The following FHIT variants were observed in gnomAD, a reference collection of about 807,000 sequenced individuals.
The protein encoded by FHIT is bis(5'-adenosyl)-triphosphatase.
Under a neutral mutation model 17.9 loss-of-function variants are expected in FHIT, and 19 were observed. The observed-to-expected ratio is 1.06, with a 90% CI of 0.74 to 1.56. The LOEUF (loss-of-function observed/expected upper bound fraction) is 1.56, where lower values mean the gene tolerates loss of function less well. Ranked by LOEUF, FHIT falls within the 40% of genes most tolerant of loss-of-function variation. FHIT has a pLI of 0.00. For synonymous variants in FHIT, 81 were observed against 69.7 expected, an observed-to-expected ratio of 1.16 and a Z score of -0.81; for missense variants, 248 against 189.2, an observed-to-expected ratio of 1.31 and a Z score of -1.82.
intron 5 of FHIT, among the ~76,000 whole-genome samples, chr3:60,017,359 G>C (rs1184989753): frequency 6.6e-6 from 1 of 152,098 alleles, no homozygotes; most frequent in African/African-American, 2.4e-5. Context: ...AAAGGGGGGA[G>C]AGTACCAGCT....
At chr3:60,337,600 G>A (rs757685601) in intron 5 of FHIT, among the ~76,000 whole-genome samples, 3 of 152,084 alleles carry the variant, frequency 2.0e-5, no homozygotes, top group African/African-American at 4.8e-5. Context: ...AAATACCACA[G>A]ACCACTCATA....
intron 5 of FHIT, among the ~76,000 whole-genome samples, chr3:60,168,957 C>T (rs923131225): frequency 1.3e-5 from 2 of 152,186 alleles, no homozygotes; most frequent in Non-Finnish European, 2.9e-5. Context: ...GGGATGTGTG[C>T]TGCTATATTC....
chr3:60,888,503 G>T, intron 3 of FHIT, among the ~76,000 whole-genome samples: 1 of 145,846 alleles, frequency 6.9e-6, no homozygotes, highest in African/African-American at 2.5e-5. Context: ...TTCTTTCTAA[G>T]AAAAAAAAAA....
At chr3:59,987,044 T>C (rs1365423323) in intron 7 of FHIT, among the ~76,000 whole-genome samples, 5 of 103,648 alleles carry the variant, frequency 4.8e-5, no homozygotes, top group Non-Finnish European at 1.0e-4. Context: ...ATATAAAATA[T>C]ATAAAAATAT....
chr3:60,664,570 A>G (rs1553691981), intron 4 of FHIT, among the ~76,000 whole-genome samples: 1 of 151,674 alleles, frequency 6.6e-6, no homozygotes. Flanking sequence ...TTTTTTTAAC[A>G]TTTGGTATAA....
chr3:60,167,229 C>A (rs1430464454), intron 5 of FHIT, among the ~76,000 whole-genome samples: 4 of 152,172 alleles, frequency 2.6e-5, no homozygotes, highest in Admixed American at 2.6e-4. Flanking sequence ...TTGTGAATGT[C>A]ACCATCACTT....
At chr3:59,961,655 G>C (rs1239738786) in intron 7 of FHIT, among the ~76,000 whole-genome samples, 1 of 152,148 alleles carries the variant, frequency 6.6e-6, no homozygotes, top group Non-Finnish European at 1.5e-5. Flanking sequence ...GGCTTCCCTT[G>C]GCTAGGGGAG....
chr3:60,175,735 G>C (rs1701640357), intron 5 of FHIT, among the ~76,000 whole-genome samples: 1 of 152,014 alleles, frequency 6.6e-6, no homozygotes, highest in South Asian at 2.1e-4. Flanking sequence ...TAAAAATTAG[G>C]ATATCACCAA....
intron 2 of FHIT, among the ~76,000 whole-genome samples, chr3:61,122,170 G>A (rs930795633): frequency 3.9e-5 from 6 of 152,070 alleles, no homozygotes; most frequent in African/African-American, 7.2e-5. Context: ...TAGACCAATG[G>A]AACAGAACAG....
chr3:60,446,558 C>T (rs2031345420), intron 5 of FHIT, among the ~76,000 whole-genome samples: 2 of 152,084 alleles, frequency 1.3e-5, no homozygotes, highest in South Asian at 2.1e-4. Flanking sequence ...AACCTCAGCC[C>T]TAGGAGACTA....
At chr3:60,608,119 C>T (rs1183450852) in intron 4 of FHIT, among the ~76,000 whole-genome samples, 1 of 152,168 alleles carries the variant, frequency 6.6e-6, no homozygotes, top group African/African-American at 2.4e-5. Flanking sequence ...CTGTAATGTC[C>T]ATCTTCCCTC....
At chr3:61,160,511 T>C (rs1479709842) in intron 2 of FHIT, among the ~76,000 whole-genome samples, 1 of 152,234 alleles carries the variant, frequency 6.6e-6, no homozygotes, top group African/African-American at 2.4e-5. Flanking sequence ...ATGGCTGTTA[T>C]TGATGACACT....
In FHIT at chr3:60,367,380, A is replaced by C. The variant is rs147989494; in HGVS notation, c.103+169480T>G. 2.9e-3 allele frequency among the ~76,000 whole-genome samples: 444 copies of C among 152,296 alleles called. 2 individuals are homozygous for C. Among genetic ancestry groups the C allele is most frequent in the African/African-American group, 0.01 (429 of 41,572 alleles). On this transcript the variant is annotated intron_variant, in intron 5 of 9. Coordinates refer to ENST00000492590, the MANE Select transcript of FHIT (RefSeq NM_002012.4). ...CTGAAAAGAATTCAAAGATTATTAC[A>C]TTTTAGTGAATTTTCTAGAGAATGC...
chr3:60,051,802 A>T (rs1407686196), intron 5 of FHIT, among the ~76,000 whole-genome samples: 1 of 152,170 alleles, frequency 6.6e-6, no homozygotes, highest in African/African-American at 2.4e-5. Flanking sequence ...AACAAACCAT[A>T]TATGGTGACT....
chr3:60,690,112 G>T (rs1553699232), intron 4 of FHIT: 26 of 331,668 alleles, frequency 7.8e-5, no homozygotes, highest in Non-Finnish European at 4.7e-5. Context: ...AAAGGGAACT[G>T]CAGTGAAAGC....
At position 60,265,812 on chromosome 3, in the gene FHIT, C is replaced by T. The variant is rs868464268; in HGVS notation, c.104-251660G>A. Among the ~76,000 whole-genome samples, 88 of 151,630 alleles carry T rather than the reference C, an allele frequency of 5.8e-4. 1 individual carries two copies. Among genetic ancestry groups the T allele is most frequent in the African/African-American group, 1.9e-3 (80 of 41,382 alleles). On this transcript the variant is annotated intron_variant, in intron 5 of 9. Transcript: ENST00000492590. ...AAACAAGATACTCAGATGGCCAATACGCAAATGAAAAGATACTCAGCATTA... is the reference window on the plus strand; with the variant it reads ...AAACAAGATACTCAGATGGCCAATATGCAAATGAAAAGATACTCAGCATTA...
At chr3:61,008,899 T>TTGTG (rs367561276) in intron 3 of FHIT, among the ~76,000 whole-genome samples, 13 of 151,888 alleles carry the variant, frequency 8.6e-5, no homozygotes, top group Admixed American at 7.9e-4. Context: ...TTTGGGCTTT[T>TTGTG]TGTGTGTGTG....
chr3:60,332,775 C>T (rs1280235702), intron 5 of FHIT, among the ~76,000 whole-genome samples: 1 of 152,132 alleles, frequency 6.6e-6, no homozygotes, highest in African/African-American at 2.4e-5. Context: ...CCATCCCTAT[C>T]ACAACCAAGA....
chr3:61,069,475 A>G (rs1257244114), intron 2 of FHIT, among the ~76,000 whole-genome samples: 4 of 152,134 alleles, frequency 2.6e-5, no homozygotes, highest in Admixed American at 2.6e-4. Context: ...ATGATTAAGG[A>G]CTGTTATGGT....
Sources: allele counts gnomAD v4.1 joint callset (sites outside exome capture counted in the v4.1 genomes callset), GRCh38; gene constraint gnomAD v4.1.1; transcripts MANE v1.5; gene names NCBI Gene and HGNC (gene_info 2026-07-23, HGNC 2026-07-21).